ABCB4: variants seen among roughly 807,000 people sequenced by gnomAD.
ABCB4 encodes the protein ATP binding cassette subfamily B member 4.
A neutral mutation model predicts 145.7 loss-of-function variants in ABCB4; 76 were observed. That is an observed-to-expected ratio of 0.52 (90% CI 0.43 to 0.63). ABCB4 has a LOEUF of 0.63. Ranked by LOEUF, ABCB4 falls within the 30% of genes least tolerant of loss-of-function variation. ABCB4 has a pLI of 0.00. For missense variants in ABCB4, 1,234 were observed against 1,553.1 expected (o/e 0.79, Z 3.45); for synonymous variants, 517 against 566.8 (o/e 0.91, Z 1.25).
chr7:87,410,688 C>G (rs1413978221), intron 23 of ABCB4, among the ~76,000 whole-genome samples: 4 of 152,230 alleles, frequency 2.6e-5, no homozygotes, highest in Non-Finnish European at 4.4e-5. Context: ...TTACCCATCT[C>G]TACCTTCTAT....
chr7:87,402,079 T>C lies in ABCB4; in HGVS notation c.*17A>G, dbSNP rs747268951. On this transcript the variant is annotated 3_prime_UTR_variant, in exon 28 of 28. Coordinates refer to ENST00000649586, the MANE Select transcript of ABCB4 (RefSeq NM_000443.4). ...GAATAATTTGAATTTATTTTTAAAA[T>C]ATACTGTAGCAAAAGTTCATAAGTT... is the stretch of plus-strand genomic sequence containing the variant. The C allele has an allele frequency of 1.2e-6, 2 of 1,613,528 alleles. No homozygotes were observed. The highest frequency in any genetic ancestry group is 2.2e-5 in the South Asian group (2 of 91,044).
intron 3 of ABCB4, among the ~76,000 whole-genome samples, chr7:87,467,613 C>T (rs1813013580): frequency 6.6e-6 from 1 of 152,198 alleles, no homozygotes; most frequent in Non-Finnish European, 1.5e-5. Context: ...CACCACACTG[C>T]ACTTACTCCA....
the ABCB4 span, among the ~76,000 whole-genome samples, chr7:87,370,205 A>G: frequency 2.0e-5 from 3 of 152,044 alleles, no homozygotes; most frequent in East Asian, 5.8e-4. Flanking sequence ...TTTTTTTGAG[A>G]CAGAGTCTTG....
intron 4 of ABCB4, among the ~76,000 whole-genome samples, chr7:87,459,999 C>T (rs1002829772): frequency 5.9e-5 from 9 of 151,998 alleles, no homozygotes; most frequent in African/African-American, 1.9e-4. Context: ...GGAGAAACGT[C>T]TTTGTAGTTT....
At chr7:87,372,006 A>C in the ABCB4 span, among the ~76,000 whole-genome samples, 1,368 of 108,002 alleles carry the variant, frequency 0.013, 16 homozygotes, top group African/African-American at 0.039. Flanking sequence ...AAAAAAAAAA[A>C]CAAAAAAAAA....
At chr7:87,450,113 G>A (rs1255992162) in intron 7 of ABCB4, 21 bp from the exon 8 acceptor site, 2 of 1,613,410 alleles carry the variant, frequency 1.2e-6, no homozygotes, top group African/African-American at 2.7e-5. Context: ...AAGAAACAGT[G>A]ATCACTTTTG....
intron 3 of ABCB4, among the ~76,000 whole-genome samples, chr7:87,464,526 T>C (rs1812717877): frequency 6.6e-6 from 1 of 152,204 alleles, no homozygotes; most frequent in African/African-American, 2.4e-5. Context: ...TTGTTAACAT[T>C]AAAAAGCATT....
At chr7:87,417,725 GC>G (rs1809086657) in intron 20 of ABCB4, among the ~76,000 whole-genome samples, 1 of 152,098 alleles carries the variant, frequency 6.6e-6, no homozygotes, top group Non-Finnish European at 1.5e-5. Context: ...TTCCTCTCCT[GC>G]CCACCTGAAC....
downstream of ABCB4, among the ~76,000 whole-genome samples, chr7:87,400,112 A>T (rs1807716501): frequency 6.6e-6 from 1 of 152,148 alleles, no homozygotes; most frequent in African/African-American, 2.4e-5. Context: ...GAGTGTTCTG[A>T]GAGGTGAAGG....
At chr7:87,441,236 A>G (rs1393128380) in intron 12 of ABCB4, among the ~76,000 whole-genome samples, 2 of 152,234 alleles carry the variant, frequency 1.3e-5, no homozygotes, top group Admixed American at 1.3e-4. Flanking sequence ...TGTTAATAAA[A>G]GGCTAAATAA....
chr7:87,454,542 TTTC>T lies in ABCB4; in HGVS notation c.334_336del (p.Glu112del), dbSNP rs1562991166. On this transcript the variant is annotated inframe_deletion, in exon 5 of 28. Transcript: ENST00000649586. ...ACCATATATATGAGTTACCTAGTCATTTCTTCTTCCAGAATTTTGCCTGGATTT... is the reference window on the plus strand; with the variant it reads ...ACCATATATATGAGTTACCTAGTCATTTCTTCCAGAATTTTGCCTGGATTT... 2 of 1,610,174 alleles carry T rather than the reference TTTC, an allele frequency of 1.2e-6. No individual in the cohort carries two copies. Among genetic ancestry groups the T allele is most frequent in the Non-Finnish European group, 1.7e-6 (2 of 1,177,356 alleles).
chr7:87,475,492 C>T, intron 1 of ABCB4, 21 bp from the exon 2 acceptor site: 1 of 1,613,808 alleles, frequency 6.2e-7, no homozygotes, highest in Non-Finnish European at 8.5e-7. Flanking sequence ...ACCACAGCCT[C>T]AGAACCAAGT....
At position 87,423,979 on chromosome 7, in the gene ABCB4, A is replaced by T; in HGVS notation, c.2138T>A (p.Val713Glu). 6.2e-7 allele frequency: 1 copy of T among 1,614,116 alleles called. No homozygotes were observed. The highest frequency in any genetic ancestry group is 8.5e-7 in the Non-Finnish European group (1 of 1,180,002). ...LNKTEWPYFV[V>E]GTVCAIANGG... Reference sequence around the variant, plus strand: ...ATTGGCAATGGCACATACTGTTCCCACGACAAAGTAGGGCCATTCTGTTTT... The same window carrying T: ...ATTGGCAATGGCACATACTGTTCCCTCGACAAAGTAGGGCCATTCTGTTTT... Residue 713 changes from valine to glutamate, a missense_variant, in exon 17 of 28, where the codon GTG (valine) becomes GAG (glutamate). This residue lies in a region of ABCB4 where 321 missense variants were observed against 332.6 expected (regional missense o/e 0.97). Transcript: ENST00000649586.
chr7:87,426,997 C>A (rs926354980), intron 15 of ABCB4, 77 bp from the exon 16 acceptor site: 32 of 1,309,712 alleles, frequency 2.4e-5, no homozygotes, highest in Non-Finnish European at 3.2e-5. Flanking sequence ...ATGGATGTAA[C>A]CTCCAAGTTT....
At chr7:87,388,671 C>G in the ABCB4 span, among the ~76,000 whole-genome samples, 1 of 152,158 alleles carries the variant, frequency 6.6e-6, no homozygotes, top group Admixed American at 6.6e-5. Context: ...CCCATAAAAA[C>G]TCTAGAAGAA....
intron 21 of ABCB4, among the ~76,000 whole-genome samples, chr7:87,415,175 G>A (rs1808881084): frequency 6.6e-6 from 1 of 152,112 alleles, no homozygotes; most frequent in Non-Finnish European, 1.5e-5. Context: ...GACCAGACAA[G>A]CCCTGGGTCA....
chr7:87,449,667 G>A (rs996780558), intron 8 of ABCB4, among the ~76,000 whole-genome samples: 2 of 151,786 alleles, frequency 1.3e-5, no homozygotes, highest in East Asian at 3.9e-4. Flanking sequence ...TGAGCTCCTG[G>A]ATTCCAGCTA....
chr7:87,463,644 A>G (rs1052777725), intron 3 of ABCB4, among the ~76,000 whole-genome samples: 1 of 152,246 alleles, frequency 6.6e-6, no homozygotes, highest in African/African-American at 2.4e-5. Context: ...TGGAATGCTT[A>G]AGTAACCCCT....
downstream of ABCB4, among the ~76,000 whole-genome samples, chr7:87,401,203 G>C (rs1323694883): frequency 1.3e-5 from 2 of 152,336 alleles, no homozygotes; most frequent in South Asian, 2.1e-4. Context: ...ATTACAGTTA[G>C]AAGAACTTTG....
Sources: gnomAD v4.1 joint callset for allele counts (sites outside exome capture counted in the v4.1 genomes callset) on GRCh38, gnomAD v4.1.1 for gene constraint, gnomAD v4.1.1 regional missense constraint, MANE v1.5 for transcripts, NCBI Gene and HGNC (gene_info 2026-07-23, HGNC 2026-07-21) for gene names.